Variants in TRAM2 observed in about 807,000 individuals in gnomAD.
The protein encoded by TRAM2 is translocation associated membrane protein 2, also known as translocating chain-associated membrane protein 2.
A neutral mutation model predicts 51.0 loss-of-function variants in TRAM2; 12 were observed. The ratio of observed to expected loss-of-function variants is 0.24; its 90% CI spans 0.15 to 0.38. The LOEUF is 0.38. Ranked by LOEUF, TRAM2 falls within the 10% of genes least tolerant of loss-of-function variation. The pLI is 1.00. For missense variants in TRAM2, 361 were observed against 462.0 expected (o/e 0.78, Z 2.00); for synonymous variants, 175 against 179.4 (o/e 0.98, Z 0.20).
chr6:52,548,361 G>T (rs753045149), intron 1 of TRAM2, among the ~76,000 whole-genome samples: 2 of 152,192 alleles, frequency 1.3e-5, no homozygotes, highest in Non-Finnish European at 2.9e-5. Flanking sequence ...ATAATCCTCA[G>T]CAACCCTGCA....
intron 1 of TRAM2, among the ~76,000 whole-genome samples, chr6:52,576,514 A>G (rs1000418600): frequency 3.3e-5 from 5 of 152,172 alleles, no homozygotes; most frequent in African/African-American, 1.2e-4. Context: ...GTTCGAGGCC[A>G]GGCTGGGGTT....
intron 1 of TRAM2, among the ~76,000 whole-genome samples, chr6:52,576,232 G>C (rs536489064): frequency 2.0e-5 from 3 of 152,354 alleles, no homozygotes; most frequent in Admixed American, 1.3e-4. Flanking sequence ...AGCGAGACGA[G>C]AGCAGAAGGC....
At chr6:52,507,839 A>G (rs1766377022) in intron 6 of TRAM2, among the ~76,000 whole-genome samples, 1 of 152,182 alleles carries the variant, frequency 6.6e-6, no homozygotes, top group Admixed American at 6.5e-5. Flanking sequence ...CCTTGGGTCT[A>G]GTGTCAGAGG....
intron 2 of TRAM2, among the ~76,000 whole-genome samples, chr6:52,533,527 A>G (rs1766928661): frequency 6.6e-6 from 1 of 152,186 alleles, no homozygotes; most frequent in South Asian, 2.1e-4. Context: ...TCTCTTTAGT[A>G]GCATAGAGCT....
chr6:52,551,078 C>A (rs1581697158), intron 1 of TRAM2, among the ~76,000 whole-genome samples: 1 of 152,264 alleles, frequency 6.6e-6, no homozygotes, highest in Non-Finnish European at 1.5e-5. Context: ...TCAAGATAAA[C>A]CACTGTGGTG....
chr6:52,520,124 A>G (rs751035414), intron 2 of TRAM2, among the ~76,000 whole-genome samples: 1 of 152,238 alleles, frequency 6.6e-6, no homozygotes, highest in East Asian at 1.9e-4. Context: ...AGAAATGGTT[A>G]AGATGGTAAG....
At position 52,535,686 on chromosome 6, in the gene TRAM2, GAA is replaced by G. The variant is rs3215574; in HGVS notation, c.184+95_184+96del. On this transcript the variant is annotated intron_variant, in intron 2 of 10. Coordinates refer to ENST00000182527, the MANE Select transcript of TRAM2 (RefSeq NM_012288.4). ...ACAGAGCAGAGACTCCGTCATGGGG[GAA>G]AAAAAAAAAATTGTACACAGATGGG... The G allele has an allele frequency of 2.8e-3, 2,604 of 943,290 alleles. 31 individuals are homozygous for G. The East Asian group carries it at 0.039, about 14-fold the overall frequency. 58.4% of individuals were successfully genotyped at this position (943,290 alleles called of 1,614,324 possible).
At chr6:52,560,565 AT>A (rs1767482267) in intron 1 of TRAM2, among the ~76,000 whole-genome samples, 1 of 152,110 alleles carries the variant, frequency 6.6e-6, no homozygotes, top group South Asian at 2.1e-4. Flanking sequence ...TTGTAGGTGG[AT>A]ATTTGGGTTA....
intron 1 of TRAM2, among the ~76,000 whole-genome samples, chr6:52,555,963 A>C (rs1220373498): frequency 6.6e-6 from 1 of 152,162 alleles, no homozygotes; most frequent in African/African-American, 2.4e-5. Context: ...AAAACGCAAA[A>C]TCTCTGTTAT....
At chr6:52,528,588 A>C (rs1187745682) in intron 2 of TRAM2, among the ~76,000 whole-genome samples, 1 of 152,202 alleles carries the variant, frequency 6.6e-6, no homozygotes. Context: ...GACTGCAGCA[A>C]GTCTCATCCT....
chr6:52,504,839 G>A, intron 9 of TRAM2, 85 bp from the exon 10 acceptor site: 1 of 1,295,758 alleles, frequency 7.7e-7, no homozygotes, highest in South Asian at 1.3e-5. Context: ...CAAGGGCCAG[G>A]GGCCCTGCAG....
chr6:52,573,085 A>G (rs1355703963), intron 1 of TRAM2, among the ~76,000 whole-genome samples: 2 of 152,198 alleles, frequency 1.3e-5, no homozygotes, highest in Non-Finnish European at 2.9e-5. Context: ...CTTAAAAAAA[A>G]AGTTTCAGTC....
chr6:52,505,779 G>A (rs1766336654), intron 8 of TRAM2, 37 bp from the exon 9 acceptor site: 3 of 1,571,460 alleles, frequency 1.9e-6, no homozygotes. Context: ...TCAGTCTTTA[G>A]CGCCCTTGAA....
chr6:52,558,417 G>A (rs990583324), intron 1 of TRAM2, among the ~76,000 whole-genome samples: 2 of 152,138 alleles, frequency 1.3e-5, no homozygotes, highest in African/African-American at 4.8e-5. Flanking sequence ...AGTGTATCTT[G>A]ATAATCTCAG....
chr6:52,539,925 T>G (rs1242013865), intron 1 of TRAM2, among the ~76,000 whole-genome samples: 2 of 152,134 alleles, frequency 1.3e-5, no homozygotes, highest in Non-Finnish European at 2.9e-5. Flanking sequence ...TGTAAGCAGC[T>G]ATAATATTTA....
chr6:52,556,728 G>A (rs1209749859), intron 1 of TRAM2, among the ~76,000 whole-genome samples: 1 of 151,956 alleles, frequency 6.6e-6, no homozygotes, highest in African/African-American at 2.4e-5. Flanking sequence ...AGGAGTTTGA[G>A]ACCGGCCTGG....
intron 10 of TRAM2, 92 bp downstream of exon 10, chr6:52,504,499 C>A (rs1766304553): frequency 3.8e-6 from 6 of 1,572,186 alleles, no homozygotes; most frequent in Non-Finnish European, 5.2e-6. Context: ...TTGGTCTGGG[C>A]AGCGCCCAAG....
intron 4 of TRAM2, among the ~76,000 whole-genome samples, chr6:52,510,303 C>T (rs1040961743): frequency 6.6e-6 from 1 of 152,208 alleles, no homozygotes; most frequent in East Asian, 1.9e-4. Context: ...CATGAAAATC[C>T]TTCCATCACA....
intron 2 of TRAM2, among the ~76,000 whole-genome samples, chr6:52,527,325 A>C (rs7745653): frequency 0.89 from 133,324 of 149,436 alleles, 59,512 homozygotes; most frequent in East Asian, 0.96. Flanking sequence ...ATGCAGTGGG[A>C]AGAGATTGTG....
Sources: allele counts gnomAD v4.1 joint callset (sites outside exome capture counted in the v4.1 genomes callset), GRCh38; gene constraint gnomAD v4.1.1; transcripts MANE v1.5; gene names NCBI Gene and HGNC (gene_info 2026-07-23, HGNC 2026-07-21).